DOCK1: variants seen among roughly 807,000 people sequenced by gnomAD.
DOCK1 encodes dedicator of cytokinesis 1, also known as dedicator of cytokinesis protein 1.
A neutral mutation model predicts 262.7 loss-of-function variants in DOCK1; 138 were observed. The ratio of observed to expected loss-of-function variants is 0.53; its 90% confidence interval spans 0.46 to 0.61. DOCK1 has a LOEUF of 0.61. Ranked by LOEUF, DOCK1 falls within the 20% of genes least tolerant of loss-of-function variation. The pLI is 0.00. For synonymous variants in DOCK1, 866 were observed against 867.4 expected (o/e 1.00, Z 0.03); for missense variants, 1,908 against 2,370.7 (o/e 0.80, Z 4.05).
intron 38 of DOCK1, among the ~76,000 whole-genome samples, chr10:127,391,699 C>T (rs1565052525): frequency 6.6e-6 from 1 of 152,032 alleles, no homozygotes; most frequent in Non-Finnish European, 1.5e-5. Context: ...CTGAACAACT[C>T]GGGCCTCTGG....
chr10:126,937,618 CT>C (rs1184073089), intron 1 of DOCK1, among the ~76,000 whole-genome samples: 2 of 150,784 alleles, frequency 1.3e-5, no homozygotes, highest in Non-Finnish European at 1.5e-5. Flanking sequence ...TGATGTTGAG[CT>C]TTTTTTTCAT....
chr10:127,032,480 G>T (rs1011017195), intron 18 of DOCK1, among the ~76,000 whole-genome samples, 160 bp downstream of exon 18: 1 of 152,218 alleles, frequency 6.6e-6, no homozygotes, highest in African/African-American at 2.4e-5. Context: ...TGCATAGAAG[G>T]TGGCATTTGT....
intron 29 of DOCK1, among the ~76,000 whole-genome samples, chr10:127,322,553 C>T (rs189909257): frequency 1.3e-5 from 2 of 152,250 alleles, no homozygotes; most frequent in African/African-American, 4.8e-5. Flanking sequence ...ATCCAGCCCT[C>T]CATCTGTAGT....
At chr10:127,196,789 T>C (rs1274459921) in intron 27 of DOCK1, among the ~76,000 whole-genome samples, 1 of 151,168 alleles carries the variant, frequency 6.6e-6, no homozygotes, top group Non-Finnish European at 1.5e-5. Flanking sequence ...CGCGCGGGGC[T>C]CCGCCACAGC....
chr10:126,971,815 A>G (rs1009732442), intron 2 of DOCK1, among the ~76,000 whole-genome samples: 1 of 151,106 alleles, frequency 6.6e-6, no homozygotes, highest in African/African-American at 2.4e-5. Flanking sequence ...AGGAACCCCA[A>G]TTTTCATCCT....
At chr10:127,257,110 C>G (rs966377267) in intron 28 of DOCK1, among the ~76,000 whole-genome samples, 1 of 152,150 alleles carries the variant, frequency 6.6e-6, no homozygotes, top group Non-Finnish European at 1.5e-5. Context: ...TGCTCAGGGA[C>G]TGTTTCAGAA....
intron 27 of DOCK1, among the ~76,000 whole-genome samples, chr10:127,168,135 T>C (rs2054247848): frequency 6.6e-6 from 1 of 152,146 alleles, no homozygotes; most frequent in African/African-American, 2.4e-5. Flanking sequence ...AAGGTCAGCA[T>C]CTCAGGACCT....
intron 34 of DOCK1, 90 bp from the exon 35 acceptor site, chr10:127,373,968 G>A (rs934661004): frequency 2.1e-5 from 32 of 1,528,266 alleles, no homozygotes; most frequent in Middle Eastern, 1.7e-4. Context: ...TAATTAAAAT[G>A]TGTTAATAAT....
chr10:126,994,095 C>T (rs866021426), intron 6 of DOCK1, among the ~76,000 whole-genome samples: 8 of 152,108 alleles, frequency 5.3e-5, no homozygotes, highest in African/African-American at 1.4e-4. Context: ...ATAATCCTAA[C>T]GGGTAAGAGG....
chr10:127,231,782 T>C (rs1181611452), intron 27 of DOCK1, among the ~76,000 whole-genome samples: 1 of 152,224 alleles, frequency 6.6e-6, no homozygotes, highest in African/African-American at 2.4e-5. Context: ...CTTTCTTCTT[T>C]TCTTTGCCTT....
chr10:127,421,584 T>A (rs2068513442), intron 46 of DOCK1, among the ~76,000 whole-genome samples: 1 of 152,208 alleles, frequency 6.6e-6, no homozygotes, highest in African/African-American at 2.4e-5. Context: ...AGCCTTGTCA[T>A]CTTGCAAATC....
intron 1 of DOCK1, among the ~76,000 whole-genome samples, chr10:126,911,663 GTGTT>G: frequency 6.6e-6 from 1 of 152,166 alleles, no homozygotes; most frequent in Non-Finnish European, 1.5e-5. Flanking sequence ...CCCAGGGTGA[GTGTT>G]TGAACCTCTT....
Position 127,362,971 on chromosome 10 carries a change from A to G in DOCK1, c.3432+759A>G, listed in dbSNP as rs1438981331. On this transcript the variant is annotated intron_variant, in intron 33 of 51. Coordinates refer to ENST00000623213, the MANE Select transcript of DOCK1 (RefSeq NM_001290223.2). ...CATACACATGTGCATCCCCACATAC[A>G]CATACACATACACATCCCCCCCCAC... is the stretch of plus-strand genomic sequence containing the variant. Among the ~76,000 whole-genome samples the G allele has an allele frequency of 8.7e-4, 116 of 132,976 alleles. 17 individuals carry two copies. The highest frequency in any genetic ancestry group is 3.4e-3 in the African/African-American group (104 of 30,976). 87.2% of individuals were successfully genotyped at this position (132,976 alleles called of 152,430 possible).
At chr10:127,384,030 C>T (rs548068651) in intron 37 of DOCK1, among the ~76,000 whole-genome samples, 3 of 152,244 alleles carry the variant, frequency 2.0e-5, no homozygotes, top group African/African-American at 7.2e-5. Context: ...AATGTAGAAT[C>T]GCACCATCCT....
intron 27 of DOCK1, among the ~76,000 whole-genome samples, chr10:127,205,356 C>T (rs2134271444): frequency 6.6e-6 from 1 of 152,324 alleles, no homozygotes. Flanking sequence ...TCTGGCCTGC[C>T]TGGTTCATCC....
intron 1 of DOCK1, among the ~76,000 whole-genome samples, chr10:126,957,626 G>A (rs2036857451): frequency 6.6e-6 from 1 of 152,024 alleles, no homozygotes; most frequent in African/African-American, 2.4e-5. Context: ...GGGACTGCAG[G>A]TGCCCACCAT....
At chr10:127,350,164 A>G (rs1164199358) in intron 31 of DOCK1, among the ~76,000 whole-genome samples, 1 of 152,350 alleles carries the variant, frequency 6.6e-6, no homozygotes, top group Non-Finnish European at 1.5e-5. Flanking sequence ...AAAACTTTAT[A>G]CACATGCATG....
intron 29 of DOCK1, among the ~76,000 whole-genome samples, chr10:127,314,410 T>A (rs2135520196): frequency 6.6e-6 from 1 of 152,320 alleles, no homozygotes; most frequent in East Asian, 1.9e-4. Context: ...GCGCAGTGCC[T>A]GCCGGCCTCC....
intron 29 of DOCK1, among the ~76,000 whole-genome samples, chr10:127,316,389 T>C (rs972424606): frequency 6.6e-6 from 1 of 152,200 alleles, no homozygotes; most frequent in Non-Finnish European, 1.5e-5. Flanking sequence ...ACGATAAAAC[T>C]CCATCATATT....
Sources: allele counts gnomAD v4.1 joint callset (sites outside exome capture counted in the v4.1 genomes callset), GRCh38; gene constraint gnomAD v4.1.1; transcripts MANE v1.5; gene names NCBI Gene and HGNC (gene_info 2026-07-23, HGNC 2026-07-21).